Variants in GRM5 observed in about 807,000 individuals in gnomAD.
GRM5 encodes the protein glutamate metabotropic receptor 5, also known as metabotropic glutamate receptor 5.
A neutral mutation model predicts 83.1 loss-of-function variants in GRM5; 19 were observed. The ratio of observed to expected loss-of-function variants is 0.23; its 90% confidence interval spans 0.16 to 0.34. GRM5 has a LOEUF of 0.34. Ranked by LOEUF, GRM5 falls within the 10% of genes least tolerant of loss-of-function variation. The probability of loss-of-function intolerance (pLI) is 1.00; values close to 1 mark genes in which losing one functional copy is unlikely to be tolerated. For synonymous variants in GRM5, 675 were observed against 633.6 expected, an observed-to-expected ratio of 1.07 and a Z score of -0.98; for missense variants, 1,160 against 1,588.3, an observed-to-expected ratio of 0.73 and a Z score of 4.58.
chr11:88,560,103 G>A (rs376540163), intron 8 of GRM5, among the ~76,000 whole-genome samples: 2 of 152,058 alleles, frequency 1.3e-5, no homozygotes, highest in African/African-American at 4.8e-5. Flanking sequence ...AGTCAGGCAG[G>A]GGGTGGCCAG....
chr11:88,509,283 G>A lies in GRM5; in HGVS notation c.2948C>T (p.Ala983Val). Residue 983 changes from alanine to valine, a missense_variant, in exon 10 of 10, where the codon GCA becomes GTA. Physicochemically the swap from Ala to Val is moderately conservative, Grantham distance 64. Around this residue, in one of 9 missense-constraint regions of GRM5, gnomAD observed 562 missense variants for 532.4 expected, o/e 1.06. Coordinates refer to ENST00000305447, the MANE Select transcript of GRM5 (RefSeq NM_001143831.3). ...GVGATGGAGC[A>V]GAGPGGPESP... ...CTCGGGCCCGCCTGGGCCGGCGCCT[G>A]CGCAGCCCGCACCGCCCGTGGCCCC... The A allele has an allele frequency of 2.0e-6, 3 of 1,479,734 alleles. No individual in the cohort carries two copies. Among genetic ancestry groups the A allele is most frequent in the Non-Finnish European group, 2.7e-6 (3 of 1,119,212 alleles). 91.7% of individuals were successfully genotyped at this position (1,479,734 alleles called of 1,614,324 possible).
chr11:88,808,426 A>G (rs1943534312), intron 3 of GRM5, among the ~76,000 whole-genome samples: 1 of 152,030 alleles, frequency 6.6e-6, no homozygotes. Flanking sequence ...AGAATATTAA[A>G]CAATGTGTTT....
At chr11:88,994,461 AT>A (rs1438720124) in intron 2 of GRM5, among the ~76,000 whole-genome samples, 24 of 119,228 alleles carry the variant, frequency 2.0e-4, no homozygotes, top group East Asian at 1.0e-3. Flanking sequence ...ATATATATAT[AT>A]ATATATATAT....
chr11:88,884,344 C>T (rs770814264), intron 2 of GRM5, among the ~76,000 whole-genome samples: 3 of 152,104 alleles, frequency 2.0e-5, no homozygotes, highest in Non-Finnish European at 2.9e-5. Flanking sequence ...TTTGTTTTGG[C>T]CAATTTCTTC....
At chr11:89,056,526 C>T (rs1166884941) in intron 1 of GRM5, among the ~76,000 whole-genome samples, 1 of 152,072 alleles carries the variant, frequency 6.6e-6, no homozygotes, top group African/African-American at 2.4e-5. Context: ...AATAATACTT[C>T]TAGAAATGTC....
intron 3 of GRM5, among the ~76,000 whole-genome samples, chr11:88,729,294 A>C (rs535285482): frequency 1.5e-4 from 23 of 152,238 alleles, no homozygotes; most frequent in African/African-American, 5.3e-4. Flanking sequence ...AAAGAGAATA[A>C]AATACCTAGG....
At chr11:88,990,074 C>A (rs890289500) in intron 2 of GRM5, among the ~76,000 whole-genome samples, 28 of 149,100 alleles carry the variant, frequency 1.9e-4, no homozygotes, top group African/African-American at 6.7e-4. Context: ...AATCCAGGAG[C>A]TGGTTTTTTG....
At chr11:88,662,923 C>T (rs1939944011) in intron 3 of GRM5, among the ~76,000 whole-genome samples, 1 of 152,196 alleles carries the variant, frequency 6.6e-6, no homozygotes, top group Non-Finnish European at 1.5e-5. Context: ...TTCGCCAATA[C>T]CCTGACTACA....
intron 3 of GRM5, among the ~76,000 whole-genome samples, chr11:88,694,617 G>T (rs1940858999): frequency 6.6e-6 from 1 of 151,454 alleles, no homozygotes; most frequent in Non-Finnish European, 1.5e-5. Flanking sequence ...ACCAAAAAAT[G>T]ATATCTCTAA....
chr11:89,038,629 T>C (rs943473056), intron 2 of GRM5, among the ~76,000 whole-genome samples: 7 of 152,136 alleles, frequency 4.6e-5, no homozygotes, highest in African/African-American at 1.7e-4. Context: ...AATTAACCCA[T>C]TCCATGGGAA....
At chr11:88,572,500 C>T (rs1202365424) in intron 7 of GRM5, among the ~76,000 whole-genome samples, 1 of 152,140 alleles carries the variant, frequency 6.6e-6, no homozygotes. Context: ...ACAGATATCT[C>T]TTCTGACATT....
chr11:88,649,492 A>C, intron 4 of GRM5, among the ~76,000 whole-genome samples: 1 of 144,510 alleles, frequency 6.9e-6, no homozygotes, highest in East Asian at 2.0e-4. Flanking sequence ...TATATATTAC[A>C]TATATATTAT....
chr11:88,654,598 CA>C (rs2135308499), intron 3 of GRM5, among the ~76,000 whole-genome samples: 1 of 152,048 alleles, frequency 6.6e-6, no homozygotes, highest in Non-Finnish European at 1.5e-5. Flanking sequence ...CTCCTAAATG[CA>C]AAGCAGGAAA....
chr11:88,767,935 G>T (rs1227822677), intron 3 of GRM5, among the ~76,000 whole-genome samples: 2 of 151,916 alleles, frequency 1.3e-5, no homozygotes, highest in African/African-American at 4.8e-5. Context: ...AAAGAAAAAA[G>T]TAATAACAAG....
intron 3 of GRM5, among the ~76,000 whole-genome samples, chr11:88,815,809 G>C (rs1222332940): frequency 6.6e-6 from 1 of 152,184 alleles, no homozygotes; most frequent in Non-Finnish European, 1.5e-5. Flanking sequence ...CCTGTCATTA[G>C]GCCCCACCTC....
Position 88,987,163 on chromosome 11 carries a change from A to G in GRM5, c.661+60049T>C, listed in dbSNP as rs1451037898. ...GTCAGTGGGTGCGCGCACCGTGCACAAGCCGAAGCAGGGTGAGGCATTGCC... is the reference window on the plus strand; with the variant it reads ...GTCAGTGGGTGCGCGCACCGTGCACGAGCCGAAGCAGGGTGAGGCATTGCC... On this transcript the variant is annotated intron_variant, in intron 2 of 9. Transcript: ENST00000305447. Among the ~76,000 whole-genome samples the G allele has an allele frequency of 6.6e-5, 10 of 152,042 alleles. No individual in the cohort carries two copies. In the South Asian group the frequency reaches 8.3e-4, roughly 13 times the overall value.
intron 2 of GRM5, among the ~76,000 whole-genome samples, chr11:88,977,304 C>T (rs967754613): frequency 6.6e-6 from 1 of 151,910 alleles, no homozygotes; most frequent in Non-Finnish European, 1.5e-5. Context: ...GCTCCGATTC[C>T]CAAGTTCACT....
At chr11:88,978,500 A>AC (rs1939413906) in intron 2 of GRM5, among the ~76,000 whole-genome samples, 5 of 125,018 alleles carry the variant, frequency 4.0e-5, no homozygotes, top group Admixed American at 7.5e-5. Flanking sequence ...AAAAAAAAAA[A>AC]AAAAAAAAAA....
chr11:88,794,501 T>C (rs1459792073), intron 3 of GRM5, among the ~76,000 whole-genome samples: 1 of 152,136 alleles, frequency 6.6e-6, no homozygotes, highest in African/African-American at 2.4e-5. Context: ...TTTAAAAAAA[T>C]ATTCTGTTAG....
Sources: allele counts gnomAD v4.1 joint callset (sites outside exome capture counted in the v4.1 genomes callset), GRCh38; gene constraint gnomAD v4.1.1; regional missense constraint gnomAD v4.1.1; transcripts MANE v1.5; gene names NCBI Gene and HGNC (gene_info 2026-07-23, HGNC 2026-07-21).